ASB7: variants seen among roughly 807,000 people sequenced by gnomAD.
ASB7 encodes the protein ankyrin repeat and SOCS box containing 7.
In ASB7, 4 loss-of-function variants were observed where a neutral mutation model predicts 32.5. The ratio of observed to expected loss-of-function variants is 0.12; its 90% CI spans 0.06 to 0.28. The LOEUF is 0.28. Among genes scored for constraint, ASB7 ranks in the 10% least tolerant of loss-of-function variants. The probability of loss-of-function intolerance (pLI) is 1.00; values close to 1 mark genes in which losing one functional copy is unlikely to be tolerated. For synonymous variants in ASB7, 172 were observed against 155.6 expected (o/e 1.11, Z -0.78); for missense variants, 181 against 407.1 (o/e 0.44, Z 4.78).
intron 5 of ASB7, among the ~76,000 whole-genome samples, chr15:100,635,584 T>G (rs1302462678): frequency 2.0e-5 from 3 of 152,200 alleles, no homozygotes; most frequent in African/African-American, 7.2e-5. Context: ...GGCTTTGGGC[T>G]TCCCTAAGCA....
rs1596990738 is a variant in ASB7 at position 100,602,807 on chromosome 15, A to T, written c.-512A>T. 2 of 385,982 alleles carry T rather than the reference A, an allele frequency of 5.2e-6. No individual in the cohort carries two copies. The highest frequency in any genetic ancestry group is 7.3e-5 in the East Asian group (2 of 27,214). 23.9% of individuals were successfully genotyped at this position (385,982 alleles called of 1,614,324 possible). ...AGCCCTGGACCGGGACTGCCCCCCC[A>T]CCCGAGCCAGGACTTCCTCCCTGCC... is the stretch of plus-strand genomic sequence containing the variant. On this transcript the variant is annotated 5_prime_UTR_variant, in exon 1 of 6. Coordinates refer to ENST00000332783, the MANE Select transcript of ASB7 (RefSeq NM_198243.3).
chr15:100,609,928 C>T (rs1201353744), intron 3 of ASB7, 100 bp downstream of exon 3: 1 of 152,178 alleles, frequency 6.6e-6, no homozygotes, highest in Admixed American at 6.5e-5. Context: ...ACTAAATACA[C>T]CACTCACTAA....
chr15:100,645,749 T>C (rs2141408930), intron 5 of ASB7: 2 of 1,587,006 alleles, frequency 1.3e-6, no homozygotes, highest in South Asian at 1.1e-5. Flanking sequence ...TGCTAAACAT[T>C]TACAAAGTGG....
rs749086577 is a variant in ASB7 at position 100,612,344 on chromosome 15, G to C, written c.128G>C (p.Arg43Pro). Residue 43 changes from arginine (R) to proline (P), a missense_variant, in exon 4 of 6, where the codon CGA becomes CCA. Arg to Pro is a moderately radical substitution (Grantham distance 103). Transcript: ENST00000332783. ...GAACAAGGCTATTCCCCGAATGGCC[G>C]AGATGCGAATGGCTGGACTCTGCTT... is the stretch of plus-strand genomic sequence containing the variant. ...MLEQGYSPNG[R>P]DANGWTLLHF... The C allele has an allele frequency of 6.2e-7, 1 of 1,614,072 alleles. No individual in the cohort carries two copies. Among genetic ancestry groups the C allele is most frequent in the Non-Finnish European group, 8.5e-7 (1 of 1,179,908 alleles).
intron 5 of ASB7, among the ~76,000 whole-genome samples, chr15:100,643,072 G>A (rs111577551): frequency 8.2e-4 from 125 of 152,200 alleles, no homozygotes; most frequent in African/African-American, 2.6e-3. Flanking sequence ...AAAAAGGCTG[G>A]CTCAGGTGGC....
chr15:100,647,377 G>A (rs1439615421), intron 5 of ASB7, among the ~76,000 whole-genome samples: 1 of 152,202 alleles, frequency 6.6e-6, no homozygotes, highest in African/African-American at 2.4e-5. Context: ...TACATGTCAT[G>A]AGCTCTTAAC....
rs968322757 is a variant in ASB7 at position 100,649,620 on chromosome 15, G to A, written c.*1158G>A. The A allele has an allele frequency of 6.6e-6, 1 of 152,126 alleles. No individual in the cohort carries two copies. The highest frequency in any genetic ancestry group is 2.4e-5 in the African/African-American group (1 of 41,420). The allele number at this position is 152,126 out of a possible 1,614,324, so 9.4% of individuals were successfully genotyped here. ...CTAATTAAACATTTCCCATTTTAAG[G>A]TTATATACAGTGAGGCTCTTCAGGA... On this transcript the variant is annotated 3_prime_UTR_variant, in exon 6 of 6. Coordinates refer to ENST00000332783, the MANE Select transcript of ASB7 (RefSeq NM_198243.3).
At position 100,617,975 on chromosome 15, in the gene ASB7, C is replaced by T. The variant is rs553064023; in HGVS notation, c.211+5548C>T. Among the ~76,000 whole-genome samples, 15 of 152,316 alleles carry T rather than the reference C, an allele frequency of 9.8e-5. 1 individual carries two copies. Among genetic ancestry groups the T allele is most frequent in the African/African-American group, 3.4e-4 (14 of 41,570 alleles). On this transcript the variant is annotated intron_variant, in intron 4 of 5. Coordinates refer to ENST00000332783, the MANE Select transcript of ASB7 (RefSeq NM_198243.3). ...ATGCATCATGCCTCCCCCCACCCCC[C>T]ACGGGGTCTCCCTGTGTCACCCAGG... is the stretch of plus-strand genomic sequence containing the variant.
intron 5 of ASB7, among the ~76,000 whole-genome samples, chr15:100,641,018 A>G (rs1036839666): frequency 1.3e-5 from 2 of 152,172 alleles, no homozygotes; most frequent in Non-Finnish European, 2.9e-5. Context: ...AATTCTTTAA[A>G]TTATGCTCTT....
chr15:100,606,382 T>C (rs190464777), intron 2 of ASB7, among the ~76,000 whole-genome samples: 96 of 152,350 alleles, frequency 6.3e-4, no homozygotes, highest in Admixed American at 6.0e-3. Flanking sequence ...CAGAAATGTG[T>C]GGACTTTTAA....
intron 4 of ASB7, among the ~76,000 whole-genome samples, chr15:100,628,585 G>A (rs919448745): frequency 6.6e-6 from 1 of 152,166 alleles, no homozygotes; most frequent in African/African-American, 2.4e-5. Flanking sequence ...TCTGCCCCCA[G>A]CCAGGGATGC....
At chr15:100,606,062 G>C (rs1380064068) in intron 2 of ASB7, among the ~76,000 whole-genome samples, 1 of 152,154 alleles carries the variant, frequency 6.6e-6, no homozygotes, top group Non-Finnish European at 1.5e-5. Context: ...TTGGGTTCCA[G>C]GCTCCTGATC....
rs77633988 is a variant in ASB7, at chr15:100,645,799, G to A, written c.818-2524G>A. 1.3e-3 allele frequency: 1,946 copies of A among 1,532,178 alleles called. 25 individuals are homozygous for A. In the African/African-American group the frequency reaches 0.024, roughly 19 times the overall value. 94.9% of individuals were successfully genotyped at this position (1,532,178 alleles called of 1,614,324 possible). Reference sequence around the variant, plus strand: ...AATTAAACACTTTATTTCCTGTAAAGTTGACTTAAGATTGCCAAACGCGAC... The same window carrying A: ...AATTAAACACTTTATTTCCTGTAAAATTGACTTAAGATTGCCAAACGCGAC... On this transcript the variant is annotated intron_variant, in intron 5 of 5. Coordinates refer to ENST00000332783, the MANE Select transcript of ASB7 (RefSeq NM_198243.3).
intron 2 of ASB7, among the ~76,000 whole-genome samples, chr15:100,606,756 T>A (rs61288536): frequency 6.6e-6 from 1 of 152,270 alleles, no homozygotes; most frequent in Non-Finnish European, 1.5e-5. Context: ...GCTTTTTTTT[T>A]CCTTGTGACT....
intron 4 of ASB7, among the ~76,000 whole-genome samples, chr15:100,618,257 C>A (rs1381934213): frequency 6.6e-6 from 1 of 152,030 alleles, no homozygotes; most frequent in African/African-American, 2.4e-5. Context: ...GCTGGGACTA[C>A]AGGTGTGTGC....
intron 5 of ASB7, among the ~76,000 whole-genome samples, chr15:100,638,685 A>T (rs1046824275): frequency 2.0e-5 from 3 of 152,080 alleles, no homozygotes; most frequent in Admixed American, 6.5e-5. Flanking sequence ...GCATCTTTTT[A>T]ATTATTATTT....
chr15:100,617,768 T>C (rs2039756273), intron 4 of ASB7, among the ~76,000 whole-genome samples: 1 of 152,260 alleles, frequency 6.6e-6, no homozygotes, highest in Non-Finnish European at 1.5e-5. Flanking sequence ...CTCTGATTCA[T>C]CTAAAGCTTC....
intron 4 of ASB7, among the ~76,000 whole-genome samples, chr15:100,626,766 C>G (rs541002812): frequency 6.6e-6 from 1 of 152,206 alleles, no homozygotes; most frequent in Admixed American, 6.5e-5. Flanking sequence ...GTATACAGTA[C>G]TATCCAGCAA....
At chr15:100,608,947 A>C (rs935774480) in intron 2 of ASB7, among the ~76,000 whole-genome samples, 1 of 152,194 alleles carries the variant, frequency 6.6e-6, no homozygotes. Flanking sequence ...ATGCTCACCC[A>C]CCGTCAGGGG....
Sources: allele counts gnomAD v4.1 joint callset (sites outside exome capture counted in the v4.1 genomes callset), GRCh38; gene constraint gnomAD v4.1.1; transcripts MANE v1.5; gene names NCBI Gene and HGNC (gene_info 2026-07-23, HGNC 2026-07-21).